The following ROBO2 variants were observed in gnomAD, a reference collection of about 807,000 sequenced individuals.
ROBO2 encodes roundabout homolog 2.
ROBO2 carries 53 observed loss-of-function variants against 160.8 expected under a neutral mutation model. That is an observed-to-expected ratio of 0.33 (90% CI 0.26 to 0.41). The LOEUF is 0.41. Ranked by LOEUF, ROBO2 falls within the 10% of genes least tolerant of loss-of-function variation. ROBO2 has a pLI of 1.00. For missense variants in ROBO2, 1,577 were observed against 1,722.4 expected (o/e 0.92, Z 1.49); for synonymous variants, 664 against 611.7 (o/e 1.09, Z -1.26).
At chr3:76,692,993 T>C (rs944278324) in intron 2 of ROBO2, among the ~76,000 whole-genome samples, 1 of 150,068 alleles carries the variant, frequency 6.7e-6, no homozygotes. Context: ...CATATGTGTA[T>C]GTATATATGT....
chr3:76,581,374 G>A (rs2085688269), intron 2 of ROBO2, among the ~76,000 whole-genome samples: 1 of 152,074 alleles, frequency 6.6e-6, no homozygotes, highest in African/African-American at 2.4e-5. Context: ...TGGAGATCCA[G>A]AGAAAGAGAA....
At chr3:76,540,443 A>T (rs1368534554) in intron 2 of ROBO2, among the ~76,000 whole-genome samples, 1 of 152,226 alleles carries the variant, frequency 6.6e-6, no homozygotes, top group Non-Finnish European at 1.5e-5. Flanking sequence ...CCCTTTGCTC[A>T]TTGAAAAATA....
At chr3:76,586,803 A>T (rs1328672568) in intron 2 of ROBO2, among the ~76,000 whole-genome samples, 2 of 152,206 alleles carry the variant, frequency 1.3e-5, no homozygotes. Flanking sequence ...TGCACTAATT[A>T]AAAAAGGAGT....
chr3:75,943,943 C>T (rs1484603745), intron 2 of ROBO2, among the ~76,000 whole-genome samples: 11 of 152,126 alleles, frequency 7.2e-5, no homozygotes, highest in South Asian at 2.1e-4. Context: ...TCAGGTGATC[C>T]GCCCACTTCA....
intron 1 of ROBO2, among the ~76,000 whole-genome samples, chr3:77,093,870 A>C (rs1241634456): frequency 1.3e-5 from 2 of 152,166 alleles, no homozygotes; most frequent in Non-Finnish European, 2.9e-5. Flanking sequence ...ACCTAAGATT[A>C]TAAATGAAGA....
chr3:77,622,341 CGAAGAG>C (rs765023329), exon 23 of ROBO2: 4 of 1,613,664 alleles, frequency 2.5e-6, no homozygotes, highest in Non-Finnish European at 3.4e-6. Context: ...ATGCCGACGA[CGAAGAG>C]GAAGCTTTAG....
At chr3:77,345,356 C>T (rs1349597421) in intron 2 of ROBO2, among the ~76,000 whole-genome samples, 1 of 152,024 alleles carries the variant, frequency 6.6e-6, no homozygotes, top group Non-Finnish European at 1.5e-5. Context: ...CACACCCTTA[C>T]CACACATGAT....
chr3:76,018,816 T>G (rs1180629804), intron 2 of ROBO2, among the ~76,000 whole-genome samples: 6 of 145,416 alleles, frequency 4.1e-5, no homozygotes, highest in South Asian at 2.2e-4. Flanking sequence ...ACATGGTTAG[T>G]TTTTCTCTGA....
intron 2 of ROBO2, among the ~76,000 whole-genome samples, chr3:76,226,607 G>A (rs995529936): frequency 6.6e-6 from 1 of 152,044 alleles, no homozygotes; most frequent in African/African-American, 2.4e-5. Flanking sequence ...ATTGTCTCAA[G>A]TTAGATTATC....
intron 2 of ROBO2, among the ~76,000 whole-genome samples, chr3:76,992,329 A>G (rs1578106646): frequency 1.1e-4 from 1 of 9,508 alleles, no homozygotes; most frequent in Non-Finnish European, 1.8e-4. Context: ...GTATTACTAT[A>G]TATATATATA....
intron 2 of ROBO2, among the ~76,000 whole-genome samples, chr3:76,118,315 C>G (rs1192428716): frequency 1.3e-5 from 2 of 152,146 alleles, no homozygotes; most frequent in Non-Finnish European, 2.9e-5. Flanking sequence ...CACTGCTCAG[C>G]AAACTTTATC....
rs534334758 is a variant in ROBO2, at chr3:77,498,389, A to G, written c.806+5007A>G. 7.2e-5 allele frequency among the ~76,000 whole-genome samples: 11 copies of G among 152,318 alleles called. No individual in the cohort carries two copies. The South Asian group carries it at 2.1e-3, about 29-fold the overall frequency. On this transcript the variant is annotated intron_variant, in intron 5 of 25. Coordinates refer to ENST00000461745, the Ensembl canonical transcript of ROBO2. ...TTGCACATAGTGGATATAATTAATG[A>G]ATATTTCATAAAATAGAAAAGGGAG...
chr3:76,252,235 G>T (rs1706049471), intron 2 of ROBO2, among the ~76,000 whole-genome samples: 1 of 151,934 alleles, frequency 6.6e-6, no homozygotes, highest in African/African-American at 2.4e-5. Context: ...GAGCAGGCTG[G>T]GATTATACAG....
At chr3:76,715,463 G>C (rs2093364765) in intron 2 of ROBO2, among the ~76,000 whole-genome samples, 1 of 152,186 alleles carries the variant, frequency 6.6e-6, no homozygotes, top group Non-Finnish European at 1.5e-5. Context: ...GTCTAGCTCA[G>C]TAGCAGAGAC....
At chr3:76,699,514 A>G (rs998406640) in intron 2 of ROBO2, among the ~76,000 whole-genome samples, 3 of 152,076 alleles carry the variant, frequency 2.0e-5, no homozygotes, top group African/African-American at 7.2e-5. Flanking sequence ...AGATCCCCAT[A>G]TTGATATTAA....
intron 2 of ROBO2, among the ~76,000 whole-genome samples, chr3:76,805,044 G>A (rs961209953): frequency 4.6e-5 from 7 of 152,032 alleles, no homozygotes; most frequent in South Asian, 2.1e-4. Context: ...CATTTTGAGC[G>A]TCAGAAATGT....
chr3:77,223,411 G>A lies in ROBO2; in HGVS notation c.388+125071G>A, dbSNP rs369891158. Among the ~76,000 whole-genome samples the A allele has an allele frequency of 1.1e-4, 17 of 152,108 alleles. No individual in the cohort carries two copies. In the South Asian group the frequency reaches 2.5e-3, roughly 22 times the overall value. ...GGAGAAGAGAACAACTAAAACAGGCGCAATAAACATTTTTCTTTTTCAGTT... is the reference window on the plus strand; with the variant it reads ...GGAGAAGAGAACAACTAAAACAGGCACAATAAACATTTTTCTTTTTCAGTT... On this transcript the variant is annotated intron_variant, in intron 2 of 25. Transcript: ENST00000461745.
chr3:76,599,816 T>C (rs974277963), intron 2 of ROBO2, among the ~76,000 whole-genome samples: 3 of 152,242 alleles, frequency 2.0e-5, no homozygotes, highest in African/African-American at 7.2e-5. Context: ...TTGAGCTTTT[T>C]TTCATATGCT....
chr3:76,602,383 G>A (rs1419539014), intron 2 of ROBO2, among the ~76,000 whole-genome samples: 1 of 152,100 alleles, frequency 6.6e-6, no homozygotes, highest in African/African-American at 2.4e-5. Flanking sequence ...TACCAATTTA[G>A]TGTATTCGTT....
Sources: allele counts gnomAD v4.1 joint callset (sites outside exome capture counted in the v4.1 genomes callset), GRCh38; gene constraint gnomAD v4.1.1; transcripts MANE v1.5; gene names NCBI Gene and HGNC (gene_info 2026-07-23, HGNC 2026-07-21).